Variants in RNF24 observed in about 807,000 individuals in gnomAD.
RNF24 encodes ring finger protein 24.
A neutral mutation model predicts 20.0 loss-of-function variants in RNF24; 14 were observed. That is an observed-to-expected ratio of 0.70 (90% confidence interval 0.46 to 1.10). The LOEUF (loss-of-function observed/expected upper bound fraction) is 1.10, where lower values mean the gene tolerates loss of function less well. Among genes scored for constraint, RNF24 ranks in the 50% least tolerant of loss-of-function variants. RNF24 has a pLI of 0.00. For synonymous variants in RNF24, 45 were observed against 61.1 expected (o/e 0.74, Z 1.23); for missense variants, 124 against 177.6 (o/e 0.70, Z 1.71).
intron 1 of RNF24, among the ~76,000 whole-genome samples, chr20:4,014,260 G>C (rs947736356): frequency 5.3e-5 from 8 of 152,048 alleles, no homozygotes; most frequent in Admixed American, 4.6e-4. Context: ...AAAGCATTAA[G>C]GGGAAAAAAA....
chr20:3,935,008 G>A lies in RNF24; in HGVS notation c.294C>T (p.His98=), dbSNP rs141501968. 8.0e-5 allele frequency: 129 copies of A among 1,613,666 alleles called. No homozygotes were observed. The highest frequency in any genetic ancestry group is 9.3e-5 in the Non-Finnish European group (110 of 1,179,726). Residue 98 remains histidine (H), a synonymous_variant, in exon 5 of 6, where the codon CAC becomes CAT. Coordinates refer to ENST00000358395, the MANE Select transcript of RNF24 (RefSeq NM_001134337.3). ...CCAATACTTACTTTCTGTGGAAGGC[G>A]TGCTTACATGGGCAAATCCCCAACT... ...RDELGICPCK[H]AFHRKCLIKW...
At chr20:3,954,433 G>A (rs1420569544) in intron 2 of RNF24, among the ~76,000 whole-genome samples, 1 of 152,106 alleles carries the variant, frequency 6.6e-6, no homozygotes, top group Non-Finnish European at 1.5e-5. Flanking sequence ...TTTTATGGCT[G>A]AATAATATTC....
chr20:3,933,448 G>C lies in RNF24; in HGVS notation c.*615C>G. ...GGCTTCTGACTAGGCCTTTCCAAGC[G>C]CATCTCATGTTTTCAGCTTAGATGA... On this transcript the variant is annotated 3_prime_UTR_variant, in exon 6 of 6. Transcript: ENST00000358395. 1 of 348,454 alleles carries C rather than the reference G, an allele frequency of 2.9e-6. No homozygotes were observed. Among genetic ancestry groups the C allele is most frequent in the Non-Finnish European group, 5.1e-6 (1 of 195,118 alleles). 21.6% of individuals were successfully genotyped at this position (348,454 alleles called of 1,614,324 possible). A position where few individuals can be genotyped will look rare whatever the true frequency, so the allele number is the denominator to read the frequency against.
chr20:3,954,929 T>C (rs2091125734), intron 2 of RNF24, among the ~76,000 whole-genome samples: 1 of 151,888 alleles, frequency 6.6e-6, no homozygotes, highest in South Asian at 2.1e-4. Context: ...TGTTTGAAGA[T>C]CCACCAAACT....
intron 1 of RNF24, among the ~76,000 whole-genome samples, chr20:3,990,252 A>G (rs1403172842): frequency 6.6e-6 from 1 of 152,160 alleles, no homozygotes; most frequent in Non-Finnish European, 1.5e-5. Flanking sequence ...AACACCCCCA[A>G]AAAAAATCCA....
chr20:3,951,729 T>G (rs1053401001), intron 2 of RNF24, among the ~76,000 whole-genome samples: 7 of 152,240 alleles, frequency 4.6e-5, no homozygotes, highest in African/African-American at 1.7e-4. Context: ...TCTAGACTCA[T>G]GGATATTGGT....
At chr20:4,008,039 G>C (rs1262706037) in intron 1 of RNF24, among the ~76,000 whole-genome samples, 1 of 150,894 alleles carries the variant, frequency 6.6e-6, no homozygotes, top group Non-Finnish European at 1.5e-5. Context: ...CCAAGTCAGA[G>C]TCAAATATTA....
intron 1 of RNF24, among the ~76,000 whole-genome samples, chr20:4,001,294 C>T (rs746368831): frequency 6.6e-6 from 1 of 151,994 alleles, no homozygotes; most frequent in Non-Finnish European, 1.5e-5. Context: ...CAAAAAACCT[C>T]ATGAAGAGCC....
chr20:3,953,619 C>T (rs1387667380), intron 2 of RNF24, among the ~76,000 whole-genome samples: 4 of 151,988 alleles, frequency 2.6e-5, no homozygotes, highest in Non-Finnish European at 5.9e-5. Flanking sequence ...CACATGCCAC[C>T]ACGCCCGGCT....
rs1177525809 is a variant in RNF24, at chr20:3,930,600, C to T, written c.*3463G>A. On this transcript the variant is annotated 3_prime_UTR_variant, in exon 6 of 6. Coordinates refer to ENST00000358395, the MANE Select transcript of RNF24 (RefSeq NM_001134337.3). ...AGTGAGTGACAAGAGGTGATTCCAT[C>T]ACTCTCTGCCTGGAGCTCTGGGTAT... The T allele has an allele frequency of 2.0e-5, 3 of 152,226 alleles. No homozygotes were observed. 9.4% of individuals were successfully genotyped at this position (152,226 alleles called of 1,614,324 possible). A position where few individuals can be genotyped will look rare whatever the true frequency, so the allele number is the denominator to read the frequency against.
intron 1 of RNF24, among the ~76,000 whole-genome samples, chr20:3,981,162 T>C (rs962249003): frequency 5.9e-5 from 9 of 151,918 alleles, no homozygotes; most frequent in Admixed American, 4.6e-4. Context: ...TCTACCTCTA[T>C]CAAAAAAAAT....
At chr20:3,956,503 G>C (rs1007582377) in intron 2 of RNF24, among the ~76,000 whole-genome samples, 5 of 151,146 alleles carry the variant, frequency 3.3e-5, no homozygotes, top group Non-Finnish European at 4.4e-5. Flanking sequence ...TCTTTTTCCT[G>C]ATTAGTTTTT....
rs60976988 is a variant in RNF24, at chr20:3,936,367, A to T, written c.229-1294T>A. On this transcript the variant is annotated intron_variant, in intron 4 of 5. Transcript: ENST00000358395. ...CAGAGCTCTGTTCCTTCATCTGTAC[A>T]ATAAGGACATGGCCTGTCCCACCCT... Among the ~76,000 whole-genome samples, 906 of 152,258 alleles carry T rather than the reference A, an allele frequency of 6.0e-3. 8 individuals are homozygous for T. Among genetic ancestry groups the T allele is most frequent in the African/African-American group, 0.02 (842 of 41,554 alleles).
intron 1 of RNF24, among the ~76,000 whole-genome samples, chr20:3,968,446 A>G (rs1263754054): frequency 6.6e-6 from 1 of 152,156 alleles, no homozygotes; most frequent in Non-Finnish European, 1.5e-5. Flanking sequence ...CCACCTGTAC[A>G]AATAAAAATA....
intron 1 of RNF24, among the ~76,000 whole-genome samples, chr20:4,004,294 T>G (rs1981665044): frequency 6.6e-6 from 1 of 152,184 alleles, no homozygotes; most frequent in Non-Finnish European, 1.5e-5. Context: ...TCTTTCTATC[T>G]TCCAATATTT....
At chr20:3,997,494 ATGGCTCAC>A (rs1980982194) in intron 1 of RNF24, among the ~76,000 whole-genome samples, 1 of 151,280 alleles carries the variant, frequency 6.6e-6, no homozygotes, top group Admixed American at 6.6e-5. Context: ...TGGTGTGATC[ATGGCTCAC>A]TGTCGCCTCA....
At position 3,934,093 on chromosome 20, in the gene RNF24, C is replaced by A. The variant is rs762688253; in HGVS notation, c.417G>T (p.Gly139=). 1 of 1,520,450 alleles carries A rather than the reference C, an allele frequency of 6.6e-7. No individual in the cohort carries two copies. Among genetic ancestry groups the A allele is most frequent in the South Asian group, 1.3e-5 (1 of 77,552 alleles). 94.2% of individuals were successfully genotyped at this position (1,520,450 alleles called of 1,614,324 possible). ...CAATGTTCTCTGCCCCAGGAAGGGG[C>A]CCCTGAGGGGGTCCACGGTCCTGCT... ...HSKQDRGPPQ[G]PLPGAENIV is the part of the protein sequence containing the mutation. The change falls in exon 6 of 6, where the codon GGG becomes GGT. Residue 139 remains glycine, a synonymous_variant. Coordinates refer to ENST00000358395, the MANE Select transcript of RNF24 (RefSeq NM_001134337.3). The surrounding 1 kb of genome is among the most constrained non-coding windows in gnomAD (Gnocchi z 4.0).
chr20:3,998,748 T>A (rs1427875940), intron 1 of RNF24, among the ~76,000 whole-genome samples: 3 of 143,918 alleles, frequency 2.1e-5, no homozygotes, highest in Non-Finnish European at 4.5e-5. Context: ...AGAGCGAGAT[T>A]CCGTCTCAAA....
chr20:4,013,497 TC>T (rs543119825), intron 1 of RNF24, among the ~76,000 whole-genome samples: 57 of 152,320 alleles, frequency 3.7e-4, no homozygotes, highest in African/African-American at 1.4e-3. Flanking sequence ...AGCTTTTTTT[TC>T]AGACGGAGTT....
Sources: gnomAD v4.1 joint callset for allele counts (sites outside exome capture counted in the v4.1 genomes callset) on GRCh38, gnomAD v4.1.1 for gene constraint, Gnocchi (gnomAD v3.1) non-coding constraint, MANE v1.5 for transcripts, NCBI Gene and HGNC (gene_info 2026-07-23, HGNC 2026-07-21) for gene names.